ZC3H8: variants seen among roughly 807,000 people sequenced by gnomAD.
ZC3H8 encodes zinc finger CCCH domain-containing protein 8.
In ZC3H8, 27 loss-of-function variants were observed where a neutral mutation model predicts 42.5. That is an observed-to-expected ratio of 0.64 (90% CI 0.47 to 0.88). The LOEUF is 0.88. Ranked by LOEUF, ZC3H8 falls within the 40% of genes least tolerant of loss-of-function variation. ZC3H8 has a pLI of 0.00. For synonymous variants in ZC3H8, 101 were observed against 110.1 expected (o/e 0.92, Z 0.52); for missense variants, 277 against 336.1 (o/e 0.82, Z 1.37).
At chr2:112,218,555 C>T (rs1223876854) in intron 8 of ZC3H8, among the ~76,000 whole-genome samples, 1 of 152,084 alleles carries the variant, frequency 6.6e-6, no homozygotes, top group African/African-American at 2.4e-5. Context: ...TTACAGTACC[C>T]AAAAAGAATA....
intron 8 of ZC3H8, among the ~76,000 whole-genome samples, chr2:112,222,658 TATATG>T (rs1418084605): frequency 5.9e-5 from 9 of 152,156 alleles, no homozygotes; most frequent in Admixed American, 2.6e-4. Context: ...TGATTTCACT[TATATG>T]AGATAAAAAA....
At chr2:112,222,324 G>C (rs1292787522) in intron 8 of ZC3H8, among the ~76,000 whole-genome samples, 1 of 152,158 alleles carries the variant, frequency 6.6e-6, no homozygotes, top group Non-Finnish European at 1.5e-5. Flanking sequence ...AGTTCAGGTA[G>C]AAGTGGGACC....
intron 5 of ZC3H8, 111 bp from the exon 6 acceptor site, chr2:112,233,482 T>C: frequency 1.4e-6 from 1 of 711,214 alleles, no homozygotes; most frequent in Non-Finnish European, 2.4e-6. Context: ...AGAACCAAAG[T>C]CTTAGAGGTA....
chr2:112,226,093 A>G (rs1350112627), intron 8 of ZC3H8, among the ~76,000 whole-genome samples: 1 of 152,008 alleles, frequency 6.6e-6, no homozygotes, highest in Non-Finnish European at 1.5e-5. Context: ...AAAAAAAAAG[A>G]AAATCTTTTT....
At chr2:112,252,105 G>C (rs1013411945) in intron 1 of ZC3H8, among the ~76,000 whole-genome samples, 2 of 152,024 alleles carry the variant, frequency 1.3e-5, no homozygotes, top group South Asian at 4.2e-4. Context: ...AATATCATCT[G>C]TATGTAGTTG....
chr2:112,223,219 G>A (rs1684667773), intron 8 of ZC3H8, among the ~76,000 whole-genome samples: 1 of 151,626 alleles, frequency 6.6e-6, no homozygotes, highest in African/African-American at 2.4e-5. Context: ...TAACAAACCT[G>A]CACGTTGTGC....
intron 8 of ZC3H8, among the ~76,000 whole-genome samples, chr2:112,220,611 C>T (rs1327244043): frequency 2.6e-5 from 4 of 152,068 alleles, no homozygotes; most frequent in African/African-American, 9.7e-5. Flanking sequence ...CACCTGAGCT[C>T]GGGAGTTCAA....
intron 2 of ZC3H8, 134 bp downstream of exon 2, chr2:112,250,057 A>G: frequency 3.6e-6 from 2 of 560,650 alleles, no homozygotes; most frequent in Non-Finnish European, 5.8e-6. Context: ...ATGCTGGTAA[A>G]ATGAGACAAG....
chr2:112,225,315 AC>A (rs1032067526), intron 8 of ZC3H8, among the ~76,000 whole-genome samples: 3 of 152,210 alleles, frequency 2.0e-5, no homozygotes, highest in African/African-American at 7.2e-5. Flanking sequence ...ATTTTGAAAG[AC>A]TATAGACAAC....
chr2:112,233,233 GTC>G, intron 6 of ZC3H8, 25 bp downstream of exon 6: 1 of 1,435,144 alleles, frequency 7.0e-7, no homozygotes, highest in Non-Finnish European at 9.5e-7. Context: ...TATTTATAAA[GTC>G]ACCATATCTT....
rs1685059593 is a variant in ZC3H8, at chr2:112,230,958, A to T, written c.844-8T>A. On this transcript the variant is annotated splice_polypyrimidine_tract_variant and splice_region_variant and intron_variant, in intron 7 of 8. Transcript: ENST00000409573. ...CTTTTCAGTATCCAAAACCTAATAT[A>T]AAAAAAAAATCACATAATCATTTTT... is the stretch of plus-strand genomic sequence containing the variant. The T allele has an allele frequency of 1.8e-5, 18 of 1,020,466 alleles. No individual in the cohort carries two copies. The highest frequency in any genetic ancestry group is 1.8e-5 in the Non-Finnish European group (14 of 773,000). 63.2% of individuals were successfully genotyped at this position (1,020,466 alleles called of 1,614,324 possible).
intron 8 of ZC3H8, among the ~76,000 whole-genome samples, chr2:112,227,022 A>C (rs1030163645): frequency 2.6e-5 from 4 of 152,226 alleles, no homozygotes; most frequent in Non-Finnish European, 5.9e-5. Flanking sequence ...AGTACTCAAA[A>C]AACTAGAAAT....
At chr2:112,236,268 A>G (rs546772441) in intron 4 of ZC3H8, among the ~76,000 whole-genome samples, 5 of 152,314 alleles carry the variant, frequency 3.3e-5, no homozygotes, top group African/African-American at 1.2e-4. Flanking sequence ...AAATATATGT[A>G]TAACAATAAT....
At chr2:112,252,701 CA>C (rs755959184) in intron 1 of ZC3H8, among the ~76,000 whole-genome samples, 1 of 152,192 alleles carries the variant, frequency 6.6e-6, no homozygotes, top group Non-Finnish European at 1.5e-5. Context: ...CCAATCACAC[CA>C]AGCTCACTCC....
chr2:112,232,025 T>TAGGAA, intron 6 of ZC3H8, 78 bp from the exon 7 acceptor site: 10 of 850,662 alleles, frequency 1.2e-5, no homozygotes, highest in South Asian at 2.6e-5. Flanking sequence ...TTATTTTTCC[T>TAGGAA]AAATAAAGAC....
chr2:112,245,483 G>A lies in ZC3H8; in HGVS notation c.156+4708C>T, dbSNP rs552627604. Among the ~76,000 whole-genome samples, 253 of 152,220 alleles carry A rather than the reference G, an allele frequency of 1.7e-3. 9 individuals carry two copies. In the South Asian group the frequency reaches 0.051, roughly 31 times the overall value. On this transcript the variant is annotated intron_variant, in intron 2 of 8. Coordinates refer to ENST00000409573, the MANE Select transcript of ZC3H8 (RefSeq NM_032494.3). ...AGCCTAGCCAACATAGTGAAACCCC[G>A]TCTCTACTAAAAATACAAAAATTAA... is the stretch of plus-strand genomic sequence containing the variant.
intron 6 of ZC3H8, among the ~76,000 whole-genome samples, chr2:112,232,367 T>C (rs1685134864): frequency 6.6e-6 from 1 of 151,184 alleles, no homozygotes; most frequent in African/African-American, 2.4e-5. Flanking sequence ...TGGATTTCTC[T>C]ATTTAAAGTA....
chr2:112,244,721 G>C (rs1424833882), intron 2 of ZC3H8, among the ~76,000 whole-genome samples: 1 of 152,290 alleles, frequency 6.6e-6, no homozygotes, highest in East Asian at 1.9e-4. Flanking sequence ...AGTGGTCTTT[G>C]ACGTTACTAT....
At chr2:112,246,965 C>T (rs530366911) in intron 2 of ZC3H8, among the ~76,000 whole-genome samples, 4 of 152,282 alleles carry the variant, frequency 2.6e-5, no homozygotes, top group African/African-American at 9.6e-5. Context: ...TAGCAGTCAC[C>T]ACCCTCAGCA....
Sources: allele counts gnomAD v4.1 joint callset (sites outside exome capture counted in the v4.1 genomes callset), GRCh38; gene constraint gnomAD v4.1.1; transcripts MANE v1.5; gene names NCBI Gene and HGNC (gene_info 2026-07-23, HGNC 2026-07-21).